ZNF600: variants seen among roughly 807,000 people sequenced by gnomAD.
ZNF600 encodes zinc finger protein 600, also known as zinc finger protein KR-ZNF1.
ZNF600 carries 4 observed loss-of-function variants against 7.3 expected under a neutral mutation model. That is an observed-to-expected ratio of 0.55 (90% CI 0.27 to 1.25). ZNF600 has a LOEUF of 1.25. ZNF600 is among the 50% of genes most tolerant of loss of function. ZNF600 has a pLI of 0.12. For synonymous variants in ZNF600, 290 were observed against 308.9 expected (o/e 0.94, Z 0.64); for missense variants, 911 against 922.1 (o/e 0.99, Z 0.16).
At chr19:52,819,667 T>C in the ZNF600 span, among the ~76,000 whole-genome samples, 3 of 139,352 alleles carry the variant, frequency 2.2e-5, no homozygotes, top group Admixed American at 7.2e-5. Flanking sequence ...GCCTGAATTC[T>C]TACATGGGGG....
exon 4 of ZNF600, chr19:52,767,239 A>G: frequency 6.2e-7 from 1 of 1,614,138 alleles, no homozygotes; most frequent in South Asian, 1.1e-5. Context: ...AGTGAGCTAC[A>G]ATTAAAGGCT....
the ZNF600 span, among the ~76,000 whole-genome samples, chr19:52,812,131 G>A: frequency 2.1e-4 from 26 of 122,064 alleles, 2 homozygotes; most frequent in African/African-American, 9.7e-4. Flanking sequence ...CGCCCCGTCC[G>A]GGAGGGTGGT....
the ZNF600 span, among the ~76,000 whole-genome samples, chr19:52,813,701 T>TAA: frequency 5.6e-4 from 81 of 145,540 alleles, 13 homozygotes; most frequent in African/African-American, 2.1e-3. Context: ...TTTTCTGTGT[T>TAA]GAGTGTCTTT....
the ZNF600 span, chr19:52,799,057 G>A: frequency 9.9e-6 from 5 of 503,402 alleles, no homozygotes; most frequent in Non-Finnish European, 1.8e-5. Flanking sequence ...TGTCTTTCAA[G>A]CTGTGATTTG....
the ZNF600 span, chr19:52,799,894 C>G: frequency 2.7e-5 from 43 of 1,613,472 alleles, no homozygotes; most frequent in Non-Finnish European, 3.6e-5. Context: ...TGATGGTATA[C>G]GAGGGATGAC....
exon 4 of ZNF600, chr19:52,765,869 A>G (rs2062567568): frequency 1.2e-6 from 2 of 1,613,880 alleles, no homozygotes; most frequent in Non-Finnish European, 1.7e-6. Context: ...CATGAATTCT[A>G]TGATGAAGTG....
At chr19:52,829,862 A>G in the ZNF600 span, among the ~76,000 whole-genome samples, 1 of 152,136 alleles carries the variant, frequency 6.6e-6, no homozygotes, top group South Asian at 2.1e-4. Context: ...CAGGAAAAGG[A>G]GCATGTCATC....
the ZNF600 span, among the ~76,000 whole-genome samples, chr19:52,822,828 CAG>C: frequency 6.6e-6 from 1 of 152,174 alleles, no homozygotes; most frequent in Non-Finnish European, 1.5e-5. Context: ...TACAGTCCGA[CAG>C]AAACTGACGT....
the ZNF600 span, among the ~76,000 whole-genome samples, chr19:52,818,682 G>A: frequency 6.7e-6 from 1 of 149,086 alleles, no homozygotes; most frequent in East Asian, 1.9e-4. Flanking sequence ...ACTCCTGCCT[G>A]GGTGACAGAG....
At chr19:52,786,779 C>G in exon 1 of ZNF600, 1 of 289,402 alleles carries the variant, frequency 3.5e-6, no homozygotes. Context: ...CGGGTTTGTG[C>G]GCGCCCAGGA....
At chr19:52,825,831 CA>C in the ZNF600 span, among the ~76,000 whole-genome samples, 2 of 152,182 alleles carry the variant, frequency 1.3e-5, no homozygotes, top group East Asian at 1.9e-4. Flanking sequence ...ATTAAAAATA[CA>C]AAAAACTTAT....
chr19:52,818,892 A>G, the ZNF600 span, among the ~76,000 whole-genome samples: 1 of 135,264 alleles, frequency 7.4e-6, no homozygotes, highest in East Asian at 2.1e-4. Context: ...TGGGAAAAAA[A>G]AAAAAAAAAA....
the ZNF600 span, among the ~76,000 whole-genome samples, chr19:52,793,510 G>A: frequency 6.6e-6 from 1 of 152,198 alleles, no homozygotes; most frequent in Non-Finnish European, 1.5e-5. Flanking sequence ...AGCAGCCCGT[G>A]TGGCTGGAGC....
At chr19:52,823,673 G>A in the ZNF600 span, among the ~76,000 whole-genome samples, 10 of 152,156 alleles carry the variant, frequency 6.6e-5, no homozygotes, top group African/African-American at 2.2e-4. Context: ...AGGTACTATC[G>A]CCCTTGTAGT....
At chr19:52,824,842 A>C in the ZNF600 span, among the ~76,000 whole-genome samples, 3 of 152,154 alleles carry the variant, frequency 2.0e-5, no homozygotes, top group Non-Finnish European at 4.4e-5. Flanking sequence ...ATCCCAAGAA[A>C]TTATACACAA....
At chr19:52,770,735 TCC>T (rs906108255) in intron 3 of ZNF600, among the ~76,000 whole-genome samples, 3 of 152,224 alleles carry the variant, frequency 2.0e-5, no homozygotes, top group Non-Finnish European at 2.9e-5. Context: ...TTTCTTATTC[TCC>T]AATAAGGATG....
the ZNF600 span, among the ~76,000 whole-genome samples, chr19:52,811,761 C>T: frequency 8.0e-6 from 1 of 125,178 alleles, no homozygotes; most frequent in Non-Finnish European, 1.7e-5. Flanking sequence ...GGAGGGAGGT[C>T]GGGGGGGTCA....
chr19:52,781,888 C>T (rs1043166412), intron 1 of ZNF600, among the ~76,000 whole-genome samples: 3 of 152,052 alleles, frequency 2.0e-5, no homozygotes, highest in Non-Finnish European at 4.4e-5. Context: ...TGGCAACATC[C>T]CATCTCTACT....
chr19:52,818,892 A>AGG, the ZNF600 span, among the ~76,000 whole-genome samples: 1 of 135,264 alleles, frequency 7.4e-6, no homozygotes, highest in African/African-American at 3.2e-5. Context: ...TGGGAAAAAA[A>AGG]AAAAAAAAAA....
Sources: allele counts gnomAD v4.1 joint callset (sites outside exome capture counted in the v4.1 genomes callset), GRCh38; gene constraint gnomAD v4.1.1; transcripts MANE v1.5; gene names NCBI Gene and HGNC (gene_info 2026-07-23, HGNC 2026-07-21).